The following ADAM10 variants were observed in gnomAD, a reference collection of about 807,000 sequenced individuals.
ADAM10 encodes ADAM metallopeptidase domain 10.
Under a neutral mutation model 90.1 loss-of-function variants are expected in ADAM10, and 17 were observed. The observed-to-expected ratio is 0.19, with a 90% confidence interval of 0.13 to 0.28. The LOEUF (loss-of-function observed/expected upper bound fraction) is 0.28. ADAM10 is among the 10% of genes least tolerant of loss of function. ADAM10 has a pLI of 1.00. For synonymous variants in ADAM10, 310 were observed against 298.6 expected, an observed-to-expected ratio of 1.04 and a Z score of -0.40; for missense variants, 610 against 914.3, an observed-to-expected ratio of 0.67 and a Z score of 4.29.
chr15:58,610,155 A>G (rs1172437740), intron 14 of ADAM10, 142 bp downstream of exon 14: 1 of 757,740 alleles, frequency 1.3e-6, no homozygotes, highest in Admixed American at 2.1e-5. Context: ...AACCAGAAAT[A>G]TTAGAACTTT....
At chr15:58,693,027 C>T (rs1215972234) in intron 2 of ADAM10, 1 of 775,158 alleles carries the variant, frequency 1.3e-6, no homozygotes, top group East Asian at 2.6e-5. Context: ...CTGTCAGGCT[C>T]TCATAGCGAA....
In ADAM10 at chr15:58,688,782, A is replaced by C. The variant is rs202081878; in HGVS notation, c.207-6468T>G. On this transcript the variant is annotated intron_variant, in intron 2 of 15. Coordinates refer to ENST00000260408, the MANE Select transcript of ADAM10 (RefSeq NM_001110.4). ...AAAAAAAAATTATATATATATATAT[A>C]TATATCTCTCTCTCTCACTGGACTG... Among the ~76,000 whole-genome samples the C allele has an allele frequency of 2.8e-3, 363 of 129,114 alleles. 4 individuals carry two copies. The highest frequency in any genetic ancestry group is 0.023 in the East Asian group (98 of 4,268). 84.7% of individuals were successfully genotyped at this position (129,114 alleles called of 152,430 possible). A position where few individuals can be genotyped will look rare whatever the true frequency, so the allele number is the denominator to read the frequency against.
intron 2 of ADAM10, chr15:58,707,229 C>T (rs1898330350): frequency 6.6e-6 from 1 of 150,698 alleles, no homozygotes; most frequent in Non-Finnish European, 1.5e-5. Flanking sequence ...ACTAAAAATG[C>T]AAAAATTAGC....
At chr15:58,745,286 G>A (rs1455360349) in intron 1 of ADAM10, among the ~76,000 whole-genome samples, 1 of 152,170 alleles carries the variant, frequency 6.6e-6, no homozygotes, top group Non-Finnish European at 1.5e-5. Flanking sequence ...AATTGCTGAA[G>A]TTATTGTTCC....
At chr15:58,624,753 G>C (rs893739807) in intron 10 of ADAM10, among the ~76,000 whole-genome samples, 1 of 152,050 alleles carries the variant, frequency 6.6e-6, no homozygotes, top group South Asian at 2.1e-4. Context: ...GGCTGGTTTC[G>C]AACTCCTGGC....
intron 13 of ADAM10, 132 bp downstream of exon 13, chr15:58,610,867 A>C (rs1485732512): frequency 5.4e-6 from 4 of 738,538 alleles, no homozygotes; most frequent in Non-Finnish European, 9.7e-6. Context: ...TTACATTTAT[A>C]ATCTCCTCAA....
At chr15:58,619,415 A>G (rs1175498596) in intron 11 of ADAM10, among the ~76,000 whole-genome samples, 1 of 152,198 alleles carries the variant, frequency 6.6e-6, no homozygotes, top group Non-Finnish European at 1.5e-5. Context: ...ATAGCACAGT[A>G]AAGTTACTAC....
intron 2 of ADAM10, among the ~76,000 whole-genome samples, chr15:58,712,187 T>A (rs937431496): frequency 6.6e-6 from 1 of 152,076 alleles, no homozygotes; most frequent in Non-Finnish European, 1.5e-5. Context: ...ACATAAACAA[T>A]ATTAACCTGC....
chr15:58,726,590 A>AAAAAAAT, intron 1 of ADAM10, among the ~76,000 whole-genome samples: 1 of 150,874 alleles, frequency 6.6e-6, no homozygotes, highest in African/African-American at 2.4e-5. Flanking sequence ...AAAAAAAAAA[A>AAAAAAAT]AAGTATATTA....
intron 1 of ADAM10, among the ~76,000 whole-genome samples, chr15:58,724,613 T>C (rs1898968295): frequency 6.6e-6 from 1 of 152,188 alleles, no homozygotes; most frequent in Non-Finnish European, 1.5e-5. Context: ...TTAGAATCTA[T>C]GTGCCAGAGT....
intron 1 of ADAM10, among the ~76,000 whole-genome samples, chr15:58,729,449 AG>A (rs1481142430): frequency 6.6e-6 from 1 of 152,166 alleles, no homozygotes; most frequent in Non-Finnish European, 1.5e-5. Context: ...GCAGAATCCT[AG>A]GCTCCCAGCA....
intron 5 of ADAM10, among the ~76,000 whole-genome samples, chr15:58,649,389 G>A (rs1452069275): frequency 6.6e-6 from 1 of 151,922 alleles, no homozygotes; most frequent in Non-Finnish European, 1.5e-5. Flanking sequence ...TACTATTAGT[G>A]CTTTGTAGTA....
chr15:58,623,131 CA>C (rs1895836385), intron 10 of ADAM10, among the ~76,000 whole-genome samples: 3 of 152,176 alleles, frequency 2.0e-5, no homozygotes. Context: ...CTATCTAAAT[CA>C]AAAATGTTCT....
intron 1 of ADAM10, among the ~76,000 whole-genome samples, chr15:58,731,365 T>C (rs1167731736): frequency 3.9e-5 from 6 of 152,048 alleles, no homozygotes; most frequent in African/African-American, 7.2e-5. Flanking sequence ...ACACCTGTAA[T>C]CCTAACACTT....
At chr15:58,599,347 C>T (rs560198259) in intron 15 of ADAM10, among the ~76,000 whole-genome samples, 1 of 150,310 alleles carries the variant, frequency 6.7e-6, no homozygotes, top group Non-Finnish European at 1.5e-5. Flanking sequence ...AAACAAATAC[C>T]AAGCAAAATT....
At chr15:58,639,863 T>G (rs1318475550) in intron 8 of ADAM10, among the ~76,000 whole-genome samples, 11 of 151,812 alleles carry the variant, frequency 7.2e-5, no homozygotes, top group Non-Finnish European at 1.0e-4. Flanking sequence ...ATACAAAAGC[T>G]TCTCTTACTC....
intron 10 of ADAM10, among the ~76,000 whole-genome samples, chr15:58,621,908 G>A (rs1595999750): frequency 6.6e-6 from 1 of 151,932 alleles, no homozygotes; most frequent in East Asian, 1.9e-4. Context: ...ATGCTACATT[G>A]AGCTTTATTG....
chr15:58,681,496 C>G (rs947857306), intron 3 of ADAM10, among the ~76,000 whole-genome samples: 1 of 152,152 alleles, frequency 6.6e-6, no homozygotes, highest in Admixed American at 6.5e-5. Context: ...CAGTTTAACA[C>G]TGTCTTAAGT....
intron 14 of ADAM10, among the ~76,000 whole-genome samples, chr15:58,607,883 A>G (rs1895321899): frequency 1.3e-5 from 2 of 152,200 alleles, no homozygotes; most frequent in African/African-American, 4.8e-5. Context: ...ACTATAGAAG[A>G]AACTGGAAAT....
Sources: gnomAD v4.1 joint callset for allele counts (sites outside exome capture counted in the v4.1 genomes callset) on GRCh38, gnomAD v4.1.1 for gene constraint, MANE v1.5 for transcripts, NCBI Gene and HGNC (gene_info 2026-07-23, HGNC 2026-07-21) for gene names.